Variants in AP3D1 observed in about 807,000 individuals in gnomAD.
The protein encoded by AP3D1 is AP-3 complex subunit delta-1.
Under a neutral mutation model 147.6 loss-of-function variants are expected in AP3D1, and 51 were observed. That is an observed-to-expected ratio of 0.35 (90% CI 0.28 to 0.44). The LOEUF (loss-of-function observed/expected upper bound fraction) is 0.44, where lower values mean the gene tolerates loss of function less well. Among genes scored for constraint, AP3D1 ranks in the 20% least tolerant of loss-of-function variants. The pLI is 1.00. For missense variants in AP3D1, 1,421 were observed against 1,624.2 expected (o/e 0.87, Z 2.15); for synonymous variants, 760 against 663.0 (o/e 1.15, Z -2.25).
At chr19:2,131,629 G>A (rs1369794709) in intron 5 of AP3D1, among the ~76,000 whole-genome samples, 3 of 132,846 alleles carry the variant, frequency 2.3e-5, no homozygotes, top group Admixed American at 7.5e-5. Context: ...AGCGCCCATC[G>A]GCCACGATCT....
intron 1 of AP3D1, among the ~76,000 whole-genome samples, chr19:2,140,332 T>C (rs1248356901): frequency 6.6e-6 from 1 of 152,054 alleles, no homozygotes; most frequent in Non-Finnish European, 1.5e-5. Context: ...CCCGAGGGGA[T>C]GGAAAACAGG....
intron 8 of AP3D1, among the ~76,000 whole-genome samples, chr19:2,128,502 G>A (rs1263397910): frequency 2.5e-4 from 31 of 123,614 alleles, no homozygotes; most frequent in African/African-American, 7.4e-4. Context: ...CCGTGGAGCC[G>A]GCCCGCCCCA....
intron 3 of AP3D1, among the ~76,000 whole-genome samples, chr19:2,137,326 T>C (rs1023982930): frequency 2.0e-5 from 3 of 152,034 alleles, no homozygotes; most frequent in Non-Finnish European, 4.4e-5. Flanking sequence ...TTTTTTTTTT[T>C]TCTTGGAGAC....
chr19:2,141,720 G>C (rs548036621), intron 1 of AP3D1, among the ~76,000 whole-genome samples: 1 of 150,960 alleles, frequency 6.6e-6, no homozygotes, highest in African/African-American at 2.4e-5. Flanking sequence ...GATTACAGGC[G>C]TGAGCCACCA....
upstream of AP3D1, among the ~76,000 whole-genome samples, chr19:2,155,531 CAAAAAAAAAAA>C (rs60793261): frequency 9.0e-5 from 5 of 55,274 alleles, no homozygotes; most frequent in African/African-American, 3.4e-4. Flanking sequence ...GACTCTGTCT[CAAAAAAAAAAA>C]AAAAAAAAAA....
At chr19:2,154,833 A>G (rs978173129), upstream of AP3D1, among the ~76,000 whole-genome samples, 2 of 152,198 alleles carry the variant, frequency 1.3e-5, no homozygotes, top group East Asian at 1.9e-4. Flanking sequence ...TTTTGGCCCA[A>G]TTACGTTTCT....
At chr19:2,119,075 A>C (rs111525418) in intron 14 of AP3D1, among the ~76,000 whole-genome samples, 4 of 152,338 alleles carry the variant, frequency 2.6e-5, no homozygotes, top group African/African-American at 9.6e-5. Flanking sequence ...AAAGGTCAGA[A>C]GAGGAAAAAG....
rs945572815 is a variant in AP3D1 at position 2,120,930 on chromosome 19, G to A, written c.1413C>T (p.Ser471=). The change falls in exon 14 of 32, where the codon AGC becomes AGT. Residue 471 remains serine (S), a synonymous_variant. Transcript: ENST00000643116. The part of the protein sequence containing the change: ...ALLDSAHLLA[S]STQRNGICEV... ...CACAGATCCCGTTCCGCTGGGTGCT[G>A]CTGGCCAGCAGGTGTGCACTGTCAA... 4 of 1,611,770 alleles carry A rather than the reference G, an allele frequency of 2.5e-6. No individual in the cohort carries two copies. The highest frequency in any genetic ancestry group is 1.7e-6 in the Non-Finnish European group (2 of 1,180,006).
chr19:2,136,192 G>A (rs1402515397), intron 4 of AP3D1, among the ~76,000 whole-genome samples: 2 of 152,232 alleles, frequency 1.3e-5, no homozygotes, highest in African/African-American at 4.8e-5. Context: ...TGCCCACAAC[G>A]GTGAGCCCAG....
intron 3 of AP3D1, among the ~76,000 whole-genome samples, chr19:2,137,504 T>C (rs1418703998): frequency 6.6e-6 from 1 of 152,040 alleles, no homozygotes; most frequent in Non-Finnish European, 1.5e-5. Context: ...TTAGTAGAGA[T>C]GGGGTTTCAC....
In AP3D1 at chr19:2,160,913, T is replaced by C. The variant is rs2019691564; in HGVS notation, c.-103+3443A>G. On this transcript the variant is annotated intron_variant, in intron 1 of 14. Transcript: ENST00000643010. ...ACCTTAGCTGTGACAATCACAAATG[T>C]TCCCAGACATCGCCCAGTGTTTCCT... Among the ~76,000 whole-genome samples the C allele has an allele frequency of 4.6e-5, 7 of 152,204 alleles. 1 individual carries two copies. The South Asian group carries it at 1.5e-3, about 32-fold the overall frequency.
chr19:2,102,280 A>G lies in AP3D1; in HGVS notation c.3553-12T>C. On this transcript the variant is annotated splice_polypyrimidine_tract_variant and intron_variant, in intron 31 of 31. Transcript: ENST00000643116. ...ACAGAGTTCTCACCCTGTGTAAGGA[A>G]AAAAGATGGATATTTTAAAAGTGTG... 1.9e-6 allele frequency: 3 copies of G among 1,604,188 alleles called. No individual in the cohort carries two copies. The highest frequency in any genetic ancestry group is 2.6e-6 in the Non-Finnish European group (3 of 1,171,266).
rs755970202 is a variant in AP3D1, at chr19:2,137,772, G to A, written c.228C>T (p.Ala76=). 3.1e-6 allele frequency: 5 copies of A among 1,613,902 alleles called. No homozygotes were observed. The highest frequency in any genetic ancestry group is 3.4e-6 in the Non-Finnish European group (4 of 1,179,986). ...CACTCATCACTTCTATGATGTTGAA[G>A]GCGGCCCAGCTGATGTCGTATCCCA... ...QMLGYDISWA[A]FNIIEVMSAS... Residue 76 remains alanine, a synonymous_variant, in exon 3 of 32, where the codon GCC becomes GCT. Coordinates refer to ENST00000643116, the MANE Select transcript of AP3D1 (RefSeq NM_001261826.3).
At chr19:2,154,565 C>A (rs2019630262), upstream of AP3D1, among the ~76,000 whole-genome samples, 1 of 152,194 alleles carries the variant, frequency 6.6e-6, no homozygotes, top group African/African-American at 2.4e-5. Flanking sequence ...TCGTGAGCCA[C>A]CACGCCCCAT....
chr19:2,148,146 CAAAAAAAAAAAAA>C (rs5826756), intron 1 of AP3D1, among the ~76,000 whole-genome samples: 1 of 98,152 alleles, frequency 1.0e-5, no homozygotes. Context: ...GACTCCGTCT[CAAAAAAAAAAAAA>C]AAAAGAAAAA....
At chr19:2,133,055 C>T (rs1015586777) in intron 4 of AP3D1, among the ~76,000 whole-genome samples, 1 of 152,190 alleles carries the variant, frequency 6.6e-6, no homozygotes, top group Non-Finnish European at 1.5e-5. Flanking sequence ...AAGAGCAGAG[C>T]GTTCCAGGCC....
Position 2,114,126 on chromosome 19 carries a change from T to A in AP3D1, c.2600A>T (p.Lys867Met), listed in dbSNP as rs771145803. ...CGCCGCCCTGGGCACTAGCCTTACC[T>A]TCTTCTCCTTCTCCTTCTTCTTCTC... is the stretch of plus-strand genomic sequence containing the variant. ...DKEKKKEKEKKAEDLDFWLST... is the reference protein window; with the variant it reads ...DKEKKKEKEKMAEDLDFWLST... The change falls in exon 22 of 32, where the codon AAG (lysine) becomes ATG (methionine). Residue 867 changes from lysine (K) to methionine (M), a missense_variant and splice_region_variant. Lys to Met is a moderately conservative substitution (Grantham distance 95). Coordinates refer to ENST00000643116, the MANE Select transcript of AP3D1 (RefSeq NM_001261826.3). 1 of 1,555,984 alleles carries A rather than the reference T, an allele frequency of 6.4e-7. No individual in the cohort carries two copies. The highest frequency in any genetic ancestry group is 2.4e-5 in the East Asian group (1 of 41,646).
chr19:2,116,091 C>T (rs2018439892), intron 18 of AP3D1, 116 bp downstream of exon 18: 3 of 1,023,314 alleles, frequency 2.9e-6, no homozygotes, highest in Admixed American at 2.1e-5. Flanking sequence ...ACCGTGTGGC[C>T]CCAGCTCCAT....
intron 31 of AP3D1, among the ~76,000 whole-genome samples, chr19:2,106,560 TA>T (rs111828483): frequency 6.7e-6 from 1 of 148,320 alleles, no homozygotes; most frequent in Non-Finnish European, 1.5e-5. Flanking sequence ...AACAAAAAAA[TA>T]AAAAAAAACA....
Sources: allele counts gnomAD v4.1 joint callset (sites outside exome capture counted in the v4.1 genomes callset), GRCh38; gene constraint gnomAD v4.1.1; transcripts MANE v1.5; gene names NCBI Gene and HGNC (gene_info 2026-07-23, HGNC 2026-07-21).